Variants in ZFAT observed in about 807,000 individuals in gnomAD.
The protein encoded by ZFAT is zinc finger and AT-hook domain containing.
In ZFAT, 64 loss-of-function variants were observed where a neutral mutation model predicts 117.7. The observed-to-expected ratio is 0.54, with a 90% CI of 0.44 to 0.67. The LOEUF (loss-of-function observed/expected upper bound fraction) is 0.67, where lower values mean the gene tolerates loss of function less well. ZFAT is among the 30% of genes least tolerant of loss of function. The pLI, the probability that ZFAT is intolerant of heterozygous loss-of-function variation, is 0.00. For synonymous variants in ZFAT, 679 were observed against 615.0 expected (o/e 1.10, Z -1.54); for missense variants, 1,433 against 1,584.5 (o/e 0.90, Z 1.62).
intron 11 of ZFAT, among the ~76,000 whole-genome samples, chr8:134,548,500 G>C (rs895424427): frequency 6.6e-6 from 1 of 152,206 alleles, no homozygotes; most frequent in Non-Finnish European, 1.5e-5. Flanking sequence ...CCACCTGTAG[G>C]ATTTCAGCTT....
the ZFAT span, among the ~76,000 whole-genome samples, chr8:134,753,262 T>G: frequency 9.2e-6 from 1 of 108,210 alleles, no homozygotes; most frequent in South Asian, 3.2e-4. Context: ...CCTATCTATT[T>G]TGGGGGGGCA....
chr8:134,547,878 G>C (rs1220421814), intron 11 of ZFAT, among the ~76,000 whole-genome samples: 3 of 152,148 alleles, frequency 2.0e-5, no homozygotes, highest in Non-Finnish European at 2.9e-5. Flanking sequence ...GGTTATCCTG[G>C]GCTGAGCACC....
chr8:134,493,555 A>G (rs1227038462), intron 15 of ZFAT, among the ~76,000 whole-genome samples: 1 of 152,242 alleles, frequency 6.6e-6, no homozygotes, highest in Non-Finnish European at 1.5e-5. Flanking sequence ...TCATTTGACT[A>G]GAAAAGGAAA....
rs371398241 is a variant in ZFAT, at chr8:134,588,317, T to G, written c.2642A>C (p.Lys881Thr). 6.9e-6 allele frequency: 11 copies of G among 1,586,966 alleles called. No homozygotes were observed. The highest frequency in any genetic ancestry group is 9.4e-6 in the Non-Finnish European group (11 of 1,165,742). The change falls in exon 9 of 16, where the codon AAA becomes ACA. Residue 881 changes from lysine (K) to threonine (T), a missense_variant. By Grantham distance (78) the Lys-to-Thr change is moderately conservative. Around this residue, in one of 5 missense-constraint regions of ZFAT, gnomAD observed 503 missense variants for 543.4 expected, o/e 0.93. Coordinates refer to ENST00000377838, the MANE Select transcript of ZFAT (RefSeq NM_020863.4). ...LKGLIGKRAM[K>T]CPYCDFYFMK... is the part of the protein sequence containing the mutation. ...GAAATAAAAGTCACAATATGGGCAT[T>G]TCATGGCTCTCTTTCCAATTAGCCC...
Position 134,601,753 on chromosome 8 carries a change from C to T in ZFAT, c.1966G>A (p.Glu656Lys). The change falls in exon 6 of 16, where the codon GAA becomes AAA. Residue 656 changes from glutamate (E) to lysine (K), a missense_variant. Glu to Lys is a moderately conservative substitution (Grantham distance 56). This residue lies in a region of ZFAT where 372 missense variants were observed against 355.6 expected (regional missense o/e 1.05). Transcript: ENST00000377838. ...GAAAGCACAGCCATGTTCTGCCCTT[C>T]CCCTAGGGGGCTCTGGGCGCCATGG... ...ESHGAQSPLG[E>K]GQNMAVLSAG... is the part of the protein sequence containing the mutation. The T allele has an allele frequency of 6.2e-7, 1 of 1,613,742 alleles. No homozygotes were observed. The highest frequency in any genetic ancestry group is 1.7e-5 in the Admixed American group (1 of 60,006).
At chr8:134,613,217 G>C (rs927013127) in intron 3 of ZFAT, among the ~76,000 whole-genome samples, 1 of 152,196 alleles carries the variant, frequency 6.6e-6, no homozygotes, top group Non-Finnish European at 1.5e-5. Context: ...TTAAAAAAAA[G>C]ACCTGAGAAT....
intron 5 of ZFAT, among the ~76,000 whole-genome samples, chr8:134,605,121 T>A (rs1827785024): frequency 6.6e-6 from 1 of 152,214 alleles, no homozygotes; most frequent in African/African-American, 2.4e-5. Flanking sequence ...ACAGCCTCCA[T>A]CTGACCCTTA....
intron 11 of ZFAT, among the ~76,000 whole-genome samples, chr8:134,559,429 G>A (rs542789054): frequency 1.3e-5 from 2 of 152,304 alleles, no homozygotes; most frequent in South Asian, 4.1e-4. Flanking sequence ...TCTGTTGTTT[G>A]TGTGCCCCAT....
intron 12 of ZFAT, among the ~76,000 whole-genome samples, chr8:134,527,042 T>A (rs1488759201): frequency 6.6e-6 from 1 of 151,392 alleles, no homozygotes; most frequent in Non-Finnish European, 1.5e-5. Flanking sequence ...TTCTGGTTTC[T>A]CCGAGTGGGC....
chr8:134,529,262 G>A (rs2130537102), intron 12 of ZFAT, among the ~76,000 whole-genome samples: 1 of 152,284 alleles, frequency 6.6e-6, no homozygotes, highest in Admixed American at 6.5e-5. Context: ...ACATGCTCTA[G>A]GAGTGAGCAA....
intron 12 of ZFAT, among the ~76,000 whole-genome samples, chr8:134,524,030 G>A (rs990640698): frequency 1.3e-5 from 2 of 152,174 alleles, no homozygotes; most frequent in Non-Finnish European, 2.9e-5. Context: ...CTCTGTTCAA[G>A]TCCCAGCACC....
chr8:134,547,918 T>A (rs982894152), intron 11 of ZFAT, among the ~76,000 whole-genome samples: 2 of 152,200 alleles, frequency 1.3e-5, no homozygotes, highest in Non-Finnish European at 1.5e-5. Context: ...ACATGTTTTA[T>A]CTTGTATTAA....
At chr8:134,712,803 CCA>C in intron 1 of ZFAT, 40 bp downstream of exon 1, 1 of 924,816 alleles carries the variant, frequency 1.1e-6, no homozygotes, top group Non-Finnish European at 1.6e-6. Context: ...GCGCCGCGCC[CCA>C]CCCCCACCCC....
chr8:134,626,512 C>A (rs1305719124), intron 3 of ZFAT, among the ~76,000 whole-genome samples: 2 of 152,368 alleles, frequency 1.3e-5, no homozygotes, highest in Non-Finnish European at 2.9e-5. Context: ...GCAGCAGAGG[C>A]AGATGGTCAC....
chr8:134,710,450 T>C (rs1008694668), intron 1 of ZFAT, among the ~76,000 whole-genome samples: 1 of 152,240 alleles, frequency 6.6e-6, no homozygotes, highest in African/African-American at 2.4e-5. Flanking sequence ...ACTTCCCTTT[T>C]GGGTCTTTAA....
rs185934169 is a variant in ZFAT at position 134,486,998 on chromosome 8, A to G, written c.3493-8277T>C. Among the ~76,000 whole-genome samples, 79 of 152,306 alleles carry G rather than the reference A, an allele frequency of 5.2e-4. No individual in the cohort carries two copies. In the Middle Eastern group the frequency reaches 0.01, roughly 20 times the overall value. ...TGTGTCCATGTGTGTATATGTACAT[A>G]TGCATGTATATGGGTCTGTATGTGT... On this transcript the variant is annotated intron_variant, in intron 15 of 15. Transcript: ENST00000377838.
Position 134,478,630 on chromosome 8 carries a change from A to G in ZFAT, c.3584T>C (p.Leu1195Pro). 6.3e-7 allele frequency: 1 copy of G among 1,585,744 alleles called. No individual in the cohort carries two copies. The highest frequency in any genetic ancestry group is 1.8e-5 in the Admixed American group (1 of 56,220). The change falls in exon 16 of 16, where the codon CTG becomes CCG. Residue 1195 changes from leucine to proline, a missense_variant. By Grantham distance (98) the Leu-to-Pro change is moderately conservative (BLOSUM62 -3). Coordinates refer to ENST00000377838, the MANE Select transcript of ZFAT (RefSeq NM_020863.4). This position sits in a 1 kb window ranked among gnomAD's most constrained non-coding sequence, Gnocchi z 5.2. ...CTCCACGTCGTCGGAGGACACCACC[A>G]GGTGGTGCTGCTCGGCAAGCTCCAC... The part of the protein sequence containing the change: ...ASVELAEQHH[L>P]VVSSDDVEGI...
rs527874399 is a variant in ZFAT, at chr8:134,594,377, G to C, written c.2476-4022C>G. 1.5e-4 allele frequency among the ~76,000 whole-genome samples: 23 copies of C among 152,328 alleles called. 1 individual carries two copies. In the South Asian group the frequency reaches 4.8e-3, roughly 32 times the overall value. On this transcript the variant is annotated intron_variant, in intron 7 of 15. Transcript: ENST00000377838. ...ACCCATTTATTTCCAGAAGAGGATTGAAAGTAGCTTCGTCTACCTTCTCAG... is the reference window on the plus strand; with the variant it reads ...ACCCATTTATTTCCAGAAGAGGATTCAAAGTAGCTTCGTCTACCTTCTCAG...
In ZFAT at chr8:134,626,519, T is replaced by C. The variant is rs571508738; in HGVS notation, c.448+10942A>G. On this transcript the variant is annotated intron_variant, in intron 3 of 15. Coordinates refer to ENST00000377838, the MANE Select transcript of ZFAT (RefSeq NM_020863.4). ...CCCACACAGCAGCAGAGGCAGATGGTCACACAGAAGAAGAGGCAGCGTCAC... is the reference window on the plus strand; with the variant it reads ...CCCACACAGCAGCAGAGGCAGATGGCCACACAGAAGAAGAGGCAGCGTCAC... Among the ~76,000 whole-genome samples the C allele has an allele frequency of 5.3e-5, 8 of 152,290 alleles. 1 individual carries two copies. The South Asian group carries it at 1.7e-3, about 32-fold the overall frequency.
Sources: allele counts gnomAD v4.1 joint callset (sites outside exome capture counted in the v4.1 genomes callset), GRCh38; gene constraint gnomAD v4.1.1; regional missense constraint gnomAD v4.1.1; non-coding constraint Gnocchi (gnomAD v3.1); transcripts MANE v1.5; gene names NCBI Gene and HGNC (gene_info 2026-07-23, HGNC 2026-07-21).